The following KIRREL2 variants were observed in gnomAD, a reference collection of about 807,000 sequenced individuals.
KIRREL2 encodes kin of IRRE-like protein 2.
A neutral mutation model predicts 73.4 loss-of-function variants in KIRREL2; 56 were observed. The observed-to-expected ratio is 0.76, with a 90% CI of 0.62 to 0.95. The LOEUF is 0.95. Among genes scored for constraint, KIRREL2 ranks in the 40% least tolerant of loss-of-function variants. KIRREL2 has a pLI of 0.00. For missense variants in KIRREL2, 896 were observed against 935.0 expected, an observed-to-expected ratio of 0.96 and a Z score of 0.54; for synonymous variants, 407 against 404.0, an observed-to-expected ratio of 1.01 and a Z score of -0.09.
At chr19:35,863,611 C>T (rs1973811468) in intron 13 of KIRREL2, among the ~76,000 whole-genome samples, 1 of 151,694 alleles carries the variant, frequency 6.6e-6, no homozygotes, top group African/African-American at 2.4e-5. Flanking sequence ...CACCACCACG[C>T]CTGACTGATT....
Position 35,866,626 on chromosome 19 carries a change from T to A in KIRREL2, c.*134T>A. 1.5e-6 allele frequency: 2 copies of A among 1,349,016 alleles called. No homozygotes were observed. The highest frequency in any genetic ancestry group is 2.1e-6 in the Non-Finnish European group (2 of 961,498). 83.6% of individuals were successfully genotyped at this position (1,349,016 alleles called of 1,614,324 possible). A position where few individuals can be genotyped will look rare whatever the true frequency, so the allele number is the denominator to read the frequency against. On this transcript the variant is annotated 3_prime_UTR_variant, in exon 15 of 15. Coordinates refer to ENST00000360202, the MANE Select transcript of KIRREL2 (RefSeq NM_199180.4). ...CAAGGGGAGGGAAAGATCATTACAT[T>A]TGTCAGGAGCATTTGTATACAGTCA...
Position 35,864,176 on chromosome 19 carries a change from TTTG to T in KIRREL2, c.1726-445_1726-443del, listed in dbSNP as rs113984862. On this transcript the variant is annotated intron_variant, in intron 13 of 14. Coordinates refer to ENST00000360202, the MANE Select transcript of KIRREL2 (RefSeq NM_199180.4). ...GCCCAGTATGTCCCCACAGCCCGTTTTTGTTGTTGTTGTTGTTGTTGTTGTTGT... is the reference window on the plus strand; with the variant it reads ...GCCCAGTATGTCCCCACAGCCCGTTTTTGTTGTTGTTGTTGTTGTTGTTGT... 4.7e-3 allele frequency among the ~76,000 whole-genome samples: 693 copies of T among 148,684 alleles called. 5 individuals are homozygous for T. Among genetic ancestry groups the T allele is most frequent in the African/African-American group, 0.014 (560 of 39,442 alleles).
In KIRREL2 at chr19:35,866,483, T is replaced by C; in HGVS notation, c.2118T>C (p.Thr706=). 6.2e-7 allele frequency: 1 copy of C among 1,612,182 alleles called. No homozygotes were observed. The highest frequency in any genetic ancestry group is 8.5e-7 in the Non-Finnish European group (1 of 1,179,198). Reference sequence around the variant, plus strand: ...CACCTAGCCACCCGCGTCTCCAGACTCACGTGTGACATCTTTCCAATGGAA... The same window carrying C: ...CACCTAGCCACCCGCGTCTCCAGACCCACGTGTGACATCTTTCCAATGGAA... ...FPTPSHPRLQ[T]HV is the part of the protein sequence containing the mutation. Residue 706 remains threonine (T), a synonymous_variant, in exon 15 of 15, where the codon ACT becomes ACC. Coordinates refer to ENST00000360202, the MANE Select transcript of KIRREL2 (RefSeq NM_199180.4).
Position 35,862,969 on chromosome 19 carries a change from C to T in KIRREL2, c.1658C>T (p.Pro553Leu), listed in dbSNP as rs1012611483. ...GAGCAAAAGAACCTGATGCGAATCC[C>T]TGGCAGCAGCGACGGCTCCAGTTCA... ...FSEQKNLMRI[P>L]GSSDGSSSRG... Residue 553 changes from proline (P) to leucine (L), a missense_variant, in exon 13 of 15, where the codon CCT (proline) becomes CTT (leucine). Transcript: ENST00000360202. 3.8e-6 allele frequency: 6 copies of T among 1,591,870 alleles called. No individual in the cohort carries two copies. The South Asian group carries it at 6.9e-5, about 18-fold the overall frequency.
chr19:35,857,233 C>A (rs1599856294), intron 1 of KIRREL2, 53 bp downstream of exon 1: 2 of 1,599,960 alleles, frequency 1.3e-6, no homozygotes, highest in South Asian at 1.1e-5. Flanking sequence ...GAGTTGCTTG[C>A]GGGCTGCCTC....
At position 35,866,432 on chromosome 19, in the gene KIRREL2, C is replaced by T. The variant is rs749692502; in HGVS notation, c.2067C>T (p.Pro689=). 4 of 1,606,774 alleles carry T rather than the reference C, an allele frequency of 2.5e-6. No homozygotes were observed. In the South Asian group the frequency reaches 4.4e-5, roughly 18 times the overall value. ...FGPPDLAPGT[P]PFPYAAFPTP... ...CCCCAGATCTGGCCCCCGGGACTCC[C>T]CCCTTCCCATATGCTGCCTTCCCCA... Residue 689 remains proline (P), a synonymous_variant, in exon 15 of 15, where the codon CCC becomes CCT. Transcript: ENST00000360202.
rs759346768 is a variant in KIRREL2, at chr19:35,866,492, A to G, written c.2127A>G (p.Ter709TrpextTer19). ...PSHPRLQTHV[*>W] is the part of the protein sequence containing the mutation. ...ACCCGCGTCTCCAGACTCACGTGTG[A>G]CATCTTTCCAATGGAAGAGTCCTGG... The change falls in exon 15 of 15, where the codon TGA becomes TGG. Residue 709 changes from the stop codon to tryptophan (W), a stop_lost. Coordinates refer to ENST00000360202, the MANE Select transcript of KIRREL2 (RefSeq NM_199180.4). 6.2e-7 allele frequency: 1 copy of G among 1,613,234 alleles called. No individual in the cohort carries two copies. The highest frequency in any genetic ancestry group is 8.5e-7 in the Non-Finnish European group (1 of 1,179,566).
chr19:35,858,457 C>G lies in KIRREL2; in HGVS notation c.261C>G (p.Asp87Glu). The part of the protein sequence containing the change: ...ISGNAANGQH[D>E]LHIRPVELED... ...GGAATGCAGCCAATGGCCAGCATGA[C>G]CTCCACATTAGGCCCGTGGAGCTAG... Residue 87 changes from aspartate to glutamate, a missense_variant, in exon 3 of 15, where the codon GAC becomes GAG. Transcript: ENST00000360202. 6.2e-7 allele frequency: 1 copy of G among 1,614,156 alleles called. No homozygotes were observed. The highest frequency in any genetic ancestry group is 8.5e-7 in the Non-Finnish European group (1 of 1,180,024).
rs947973363 is a variant in KIRREL2 at position 35,858,813 on chromosome 19, A to G, written c.471A>G (p.Glu157=). The change falls in exon 4 of 15, where the codon GAA becomes GAG. Residue 157 remains glutamate, a synonymous_variant. Coordinates refer to ENST00000360202, the MANE Select transcript of KIRREL2 (RefSeq NM_199180.4). ...RSRGDARPTP[E]LLWFRDGVLL... ...GTGGGGATGCCCGCCCTACCCCTGA[A>G]TTGCTGTGGTTCCGAGATGGGGTCC... 1 of 1,614,094 alleles carries G rather than the reference A, an allele frequency of 6.2e-7. No individual in the cohort carries two copies. Among genetic ancestry groups the G allele is most frequent in the Non-Finnish European group, 8.5e-7 (1 of 1,180,030 alleles).
At chr19:35,852,101 T>A (rs1205345650), upstream of KIRREL2, among the ~76,000 whole-genome samples, 1 of 147,142 alleles carries the variant, frequency 6.8e-6, no homozygotes, top group Non-Finnish European at 1.5e-5. Flanking sequence ...TTTTTTCTTT[T>A]TTTTTTTTTT....
At chr19:35,854,730 T>C (rs1438440485), upstream of KIRREL2, among the ~76,000 whole-genome samples, 1 of 151,828 alleles carries the variant, frequency 6.6e-6, no homozygotes, top group African/African-American at 2.4e-5. Flanking sequence ...CATCTCTATA[T>C]GTCTCTGTTA....
At chr19:35,854,015 T>C (rs1007602229), upstream of KIRREL2, among the ~76,000 whole-genome samples, 3 of 151,922 alleles carry the variant, frequency 2.0e-5, no homozygotes, top group African/African-American at 7.3e-5. Context: ...CAGCTAATTT[T>C]TGTATTTTTA....
Position 35,866,300 on chromosome 19 carries a change from C to T in KIRREL2, c.1935C>T (p.His645=), listed in dbSNP as rs1973964329. Residue 645 remains histidine, a synonymous_variant, in exon 15 of 15, where the codon CAC becomes CAT. Coordinates refer to ENST00000360202, the MANE Select transcript of KIRREL2 (RefSeq NM_199180.4). ...GTPTFYDFNP[H]LGMVPPCRLY... is the part of the protein sequence containing the mutation. ...CTACCTTCTATGACTTCAACCCACA[C>T]CTGGGCATGGTCCCCCCCTGCAGAC... 2 of 1,612,656 alleles carry T rather than the reference C, an allele frequency of 1.2e-6. No individual in the cohort carries two copies. The highest frequency in any genetic ancestry group is 1.3e-5 in the African/African-American group (1 of 74,834).
chr19:35,859,342 A>G (rs1973563142), intron 4 of KIRREL2, 139 bp from the exon 5 acceptor site: 1 of 745,574 alleles, frequency 1.3e-6, no homozygotes, highest in African/African-American at 1.8e-5. Context: ...CTTTTTTGTA[A>G]TTTTTTAGCT....
At chr19:35,853,682 T>A (rs1973337733), upstream of KIRREL2, among the ~76,000 whole-genome samples, 1 of 151,842 alleles carries the variant, frequency 6.6e-6, no homozygotes, top group Non-Finnish European at 1.5e-5. Flanking sequence ...TTTTAAAATT[T>A]GTTTGTAGAG....
rs762761600 is a variant in KIRREL2 at position 35,862,500 on chromosome 19, G to T, written c.1518G>T (p.Leu506=). ...CCCCTCTGCTCCCTGCAGACTTGCT[G>T]CCCACTGTGCGGATAGTGGCCGGAG... ...AQASLGRRDL[L]PTVRIVAGVA... Residue 506 remains leucine (L), a synonymous_variant, in exon 12 of 15, where the codon CTG becomes CTT. Transcript: ENST00000360202. 14 of 1,609,066 alleles carry T rather than the reference G, an allele frequency of 8.7e-6. No individual in the cohort carries two copies. The African/African-American group carries it at 1.7e-4, about 20-fold the overall frequency.
intron 12 of KIRREL2, 81 bp downstream of exon 12, chr19:35,862,678 T>G: frequency 3.7e-6 from 4 of 1,073,446 alleles, no homozygotes; most frequent in Non-Finnish European, 5.7e-6. Flanking sequence ...GACCTGGCCT[T>G]GGGCCTTGGC....
chr19:35,861,023 G>A lies in KIRREL2; in HGVS notation c.1043G>A (p.Arg348His), dbSNP rs377661393. Residue 348 changes from arginine to histidine, a missense_variant, in exon 8 of 15, where the codon CGC (arginine) becomes CAC (histidine). Arg to His is a conservative substitution (Grantham distance 29). Coordinates refer to ENST00000360202, the MANE Select transcript of KIRREL2 (RefSeq NM_199180.4). Reference protein sequence around the residue: ...NPLPRVTWTRRGGAQVLGSGA... With the variant: ...NPLPRVTWTRHGGAQVLGSGA... ...CTTCCACGGGTAACCTGGACCCGCC[G>A]CGGTGGCGCGCAGGTACAGCCCTAA... 2.5e-6 allele frequency: 4 copies of A among 1,611,828 alleles called. No homozygotes were observed. Among genetic ancestry groups the A allele is most frequent in the Non-Finnish European group, 3.4e-6 (4 of 1,179,334 alleles).
intron 11 of KIRREL2, 51 bp downstream of exon 11, chr19:35,862,075 A>C: frequency 2.7e-6 from 4 of 1,474,474 alleles, no homozygotes; most frequent in Non-Finnish European, 2.8e-6. Context: ...AACCCCACAA[A>C]CGCAGGGATC....
Sources: gnomAD v4.1 joint callset for allele counts (sites outside exome capture counted in the v4.1 genomes callset) on GRCh38, gnomAD v4.1.1 for gene constraint, MANE v1.5 for transcripts, NCBI Gene and HGNC (gene_info 2026-07-23, HGNC 2026-07-21) for gene names.